The following CFAP61 variants were observed in gnomAD, a reference collection of about 807,000 sequenced individuals.
CFAP61 encodes cilia- and flagella-associated protein 61.
Under a neutral mutation model 135.6 loss-of-function variants are expected in CFAP61, and 107 were observed. That is an observed-to-expected ratio of 0.79 (90% CI 0.67 to 0.93). The LOEUF (loss-of-function observed/expected upper bound fraction) is 0.93, where lower values mean the gene tolerates loss of function less well. Ranked by LOEUF, CFAP61 falls within the 40% of genes least tolerant of loss-of-function variation. The pLI, the probability that CFAP61 is intolerant of heterozygous loss-of-function variation, is 0.00. For synonymous variants in CFAP61, 575 were observed against 578.5 expected, an observed-to-expected ratio of 0.99 and a Z score of 0.09; for missense variants, 1,507 against 1,556.2, an observed-to-expected ratio of 0.97 and a Z score of 0.53.
chr20:20,085,602 C>T (rs1293133818), intron 6 of CFAP61: 2 of 962,650 alleles, frequency 2.1e-6, no homozygotes, highest in Non-Finnish European at 3.0e-6. Flanking sequence ...GGCTCTGGGT[C>T]TTTCGGAACC....
chr20:20,265,517 A>G lies in CFAP61; in HGVS notation c.2503+2387A>G. 4 of 779,510 alleles carry G rather than the reference A, an allele frequency of 5.1e-6. No individual in the cohort carries two copies. The South Asian group carries it at 5.4e-5, about 10-fold the overall frequency. The allele number at this position is 779,510 out of a possible 1,614,324, so 48.3% of individuals were successfully genotyped here. A position where few individuals can be genotyped will look rare whatever the true frequency, so the allele number is the denominator to read the frequency against. On this transcript the variant is annotated intron_variant, in intron 21 of 26. Coordinates refer to ENST00000245957, the MANE Select transcript of CFAP61 (RefSeq NM_015585.4). Reference sequence around the variant, plus strand: ...GGGAAATGTTTTTTCAAGATTTAAGACTGACTCCCAGCAGCCAGTGCATAA... The same window carrying G: ...GGGAAATGTTTTTTCAAGATTTAAGGCTGACTCCCAGCAGCCAGTGCATAA...
At chr20:20,193,170 A>G (rs1446645529) in intron 15 of CFAP61, among the ~76,000 whole-genome samples, 1 of 152,128 alleles carries the variant, frequency 6.6e-6, no homozygotes, top group Non-Finnish European at 1.5e-5. Flanking sequence ...TAGTGTATGG[A>G]TAGAACAACA....
chr20:20,172,206 T>G, intron 13 of CFAP61: 1 of 957,904 alleles, frequency 1.0e-6, no homozygotes. Context: ...TTACACAGGA[T>G]TTCAGTAACC....
chr20:20,118,416 C>CTAACACCT (rs2049350498), intron 8 of CFAP61, among the ~76,000 whole-genome samples: 1 of 151,004 alleles, frequency 6.6e-6, no homozygotes, highest in Non-Finnish European at 1.5e-5. Flanking sequence ...TCTCGGTTCA[C>CTAACACCT]TAACACCTCC....
chr20:20,104,363 C>A (rs1336060597), intron 8 of CFAP61, among the ~76,000 whole-genome samples: 2 of 152,142 alleles, frequency 1.3e-5, no homozygotes, highest in South Asian at 2.1e-4. Flanking sequence ...ATTCCCTCAT[C>A]TCTTGGGTTA....
At chr20:20,093,880 C>T (rs1296490182) in intron 7 of CFAP61, among the ~76,000 whole-genome samples, 1 of 151,768 alleles carries the variant, frequency 6.6e-6, no homozygotes, top group Non-Finnish European at 1.5e-5. Flanking sequence ...TAATTTTGGA[C>T]ACTCACTATG....
intron 8 of CFAP61, among the ~76,000 whole-genome samples, chr20:20,139,749 A>G (rs1171974947): frequency 6.6e-6 from 1 of 152,230 alleles, no homozygotes; most frequent in Non-Finnish European, 1.5e-5. Flanking sequence ...TAGTCAAGCA[A>G]TTAGTCTTTG....
chr20:20,231,561 G>A (rs1000726416), intron 18 of CFAP61, among the ~76,000 whole-genome samples: 6 of 152,246 alleles, frequency 3.9e-5, no homozygotes, highest in Non-Finnish European at 7.4e-5. Context: ...GGGGCGTAGC[G>A]TCATCCAGGG....
At chr20:20,206,965 G>A (rs2056883225) in intron 17 of CFAP61, among the ~76,000 whole-genome samples, 1 of 152,220 alleles carries the variant, frequency 6.6e-6, no homozygotes, top group Non-Finnish European at 1.5e-5. Context: ...GGCCATTGAA[G>A]GGCAATGTCT....
intron 17 of CFAP61, among the ~76,000 whole-genome samples, chr20:20,201,613 CAAA>C (rs1444114587): frequency 7.9e-5 from 12 of 152,186 alleles, no homozygotes; most frequent in African/African-American, 2.7e-4. Flanking sequence ...AAGTTTGGTG[CAAA>C]GACAGTGTCT....
intron 8 of CFAP61, among the ~76,000 whole-genome samples, chr20:20,102,497 T>G: frequency 6.6e-6 from 1 of 152,180 alleles, no homozygotes; most frequent in Non-Finnish European, 1.5e-5. Flanking sequence ...TTTTTTAACT[T>G]TTAAGTTCAG....
intron 26 of CFAP61, among the ~76,000 whole-genome samples, chr20:20,352,268 C>T (rs765635144): frequency 1.1e-4 from 17 of 152,168 alleles, no homozygotes; most frequent in Non-Finnish European, 1.6e-4. Context: ...ATCATGAGAA[C>T]AGCATAGTTC....
intron 25 of CFAP61, among the ~76,000 whole-genome samples, chr20:20,327,698 A>G (rs1602036871): frequency 6.8e-6 from 1 of 146,776 alleles, no homozygotes; most frequent in East Asian, 2.1e-4. Context: ...AAGTGGAGCT[A>G]TCTACCCAAT....
chr20:20,113,434 G>C (rs527284038), intron 8 of CFAP61, among the ~76,000 whole-genome samples: 1 of 152,012 alleles, frequency 6.6e-6, no homozygotes, highest in Non-Finnish European at 1.5e-5. Context: ...GTTTAGCTTT[G>C]AATTACATTT....
chr20:20,306,860 A>G (rs770467494), intron 25 of CFAP61, among the ~76,000 whole-genome samples: 2 of 152,240 alleles, frequency 1.3e-5, no homozygotes, highest in African/African-American at 2.4e-5. Flanking sequence ...ATTTCAGCAC[A>G]GGGATGGCCC....
chr20:20,288,315 C>A (rs1030735740), intron 22 of CFAP61, among the ~76,000 whole-genome samples: 2 of 152,072 alleles, frequency 1.3e-5, no homozygotes, highest in African/African-American at 4.8e-5. Context: ...AAATGTAAAC[C>A]CTCTTCCGCC....
At chr20:20,085,328 T>C (rs747223921) in intron 6 of CFAP61, 5 of 1,224,660 alleles carry the variant, frequency 4.1e-6, no homozygotes, top group Non-Finnish European at 5.2e-6. Flanking sequence ...CTTTGTCATA[T>C]GCCATTTGAG....
intron 13 of CFAP61, among the ~76,000 whole-genome samples, chr20:20,180,418 G>A (rs369963392): frequency 6.6e-6 from 1 of 151,624 alleles, no homozygotes; most frequent in South Asian, 2.1e-4. Flanking sequence ...AAGAAAAAAA[G>A]CTCTACCTCA....
intron 2 of CFAP61, among the ~76,000 whole-genome samples, chr20:20,061,081 A>C (rs1175741372): frequency 1.3e-5 from 2 of 152,224 alleles, no homozygotes; most frequent in African/African-American, 2.4e-5. Context: ...GGTTTATTAC[A>C]CATCAGTTGA....
Sources: gnomAD v4.1 joint callset for allele counts (sites outside exome capture counted in the v4.1 genomes callset) on GRCh38, gnomAD v4.1.1 for gene constraint, MANE v1.5 for transcripts, NCBI Gene and HGNC (gene_info 2026-07-23, HGNC 2026-07-21) for gene names.